The following PCDHA10 variants were observed in gnomAD, a reference collection of about 807,000 sequenced individuals.
PCDHA10 encodes the protein protocadherin alpha-10.
Under a neutral mutation model 61.2 loss-of-function variants are expected in PCDHA10, and 45 were observed. That is an observed-to-expected ratio of 0.74 (90% CI 0.58 to 0.94). The LOEUF is 0.94. PCDHA10 is among the 40% of genes least tolerant of loss of function. The probability of loss-of-function intolerance (pLI) is 0.00; values close to 1 mark genes in which losing one functional copy is unlikely to be tolerated. For synonymous variants in PCDHA10, 602 were observed against 548.8 expected, an observed-to-expected ratio of 1.10 and a Z score of -1.35; for missense variants, 1,278 against 1,236.2, an observed-to-expected ratio of 1.03 and a Z score of -0.51.
intron 1 of PCDHA10, among the ~76,000 whole-genome samples, chr5:140,953,973 C>T (rs958351959): frequency 6.6e-5 from 10 of 152,036 alleles, no homozygotes; most frequent in Non-Finnish European, 1.3e-4. Context: ...GTGTGTTGTT[C>T]CCCTTCATAT....
At chr5:141,009,462 A>G (rs1279658091) in intron 3 of PCDHA10, 165 bp from the exon 4 acceptor site, 2 of 954,512 alleles carry the variant, frequency 2.1e-6, no homozygotes, top group Non-Finnish European at 2.5e-6. Flanking sequence ...TAAACAAATA[A>G]ATAAATAAGT....
rs2098416866 is a variant in PCDHA10, at chr5:141,010,297, G to C, written c.*360G>C. 3 of 1,549,050 alleles carry C rather than the reference G, an allele frequency of 1.9e-6. No individual in the cohort carries two copies. The South Asian group carries it at 3.6e-5, about 19-fold the overall frequency. On this transcript the variant is annotated 3_prime_UTR_variant, in exon 4 of 4. Transcript: ENST00000307360. ...TGTCTTGATGACACTTGCAGGGCAGGCTGAAAAGTTTTGAGATTGAGCAGC... is the reference window on the plus strand; with the variant it reads ...TGTCTTGATGACACTTGCAGGGCAGCCTGAAAAGTTTTGAGATTGAGCAGC...
chr5:140,870,085 C>T lies in PCDHA10; in HGVS notation c.2388+11649C>T, dbSNP rs200687541. ...ACAGGCTACAGATAAGGGGACTCCCCCAATGGCAGGTCACTGTACAGTCTG... is the reference window on the plus strand; with the variant it reads ...ACAGGCTACAGATAAGGGGACTCCCTCAATGGCAGGTCACTGTACAGTCTG... On this transcript the variant is annotated intron_variant, in intron 1 of 3. Coordinates refer to ENST00000307360, the MANE Select transcript of PCDHA10 (RefSeq NM_018901.4). 1.7e-4 allele frequency: 271 copies of T among 1,613,744 alleles called. No homozygotes were observed. The highest frequency in any genetic ancestry group is 1.8e-4 in the Non-Finnish European group (215 of 1,179,872).
chr5:140,947,107 G>A (rs1041048233), intron 1 of PCDHA10, among the ~76,000 whole-genome samples: 12 of 151,202 alleles, frequency 7.9e-5, no homozygotes, highest in South Asian at 4.2e-4. Flanking sequence ...AAATAGGTAC[G>A]TGTCAATTAA....
In PCDHA10 at chr5:141,010,661, C is replaced by T. The variant is rs1331706826; in HGVS notation, c.*724C>T. ...AACAGTTCAGTGTTTTAACAGAGAA[C>T]CACCCTGGGAAACAGAAGCAGATCT... On this transcript the variant is annotated 3_prime_UTR_variant, in exon 4 of 4. Transcript: ENST00000307360. 6.0e-6 allele frequency: 1 copy of T among 166,290 alleles called. No homozygotes were observed. Among genetic ancestry groups the T allele is most frequent in the Non-Finnish European group, 1.3e-5 (1 of 76,066 alleles). 10.3% of individuals were successfully genotyped at this position (166,290 alleles called of 1,614,324 possible).
chr5:140,935,894 C>CTTTT (rs55841305), intron 1 of PCDHA10, among the ~76,000 whole-genome samples: 9 of 136,750 alleles, frequency 6.6e-5, no homozygotes, highest in South Asian at 2.3e-4. Flanking sequence ...TCAATATTAT[C>CTTTT]TTTTTTTTTT....
intron 1 of PCDHA10, among the ~76,000 whole-genome samples, chr5:140,916,217 A>T (rs1050976167): frequency 6.6e-6 from 1 of 152,132 alleles, no homozygotes; most frequent in Non-Finnish European, 1.5e-5. Context: ...GGAAGATCCA[A>T]ATATGCTTTC....
At position 140,884,423 on chromosome 5, in the gene PCDHA10, A is replaced by G. The variant is rs2060160830; in HGVS notation, c.2388+25987A>G. The G allele has an allele frequency of 1.2e-6, 2 of 1,613,932 alleles. No individual in the cohort carries two copies. Among genetic ancestry groups the G allele is most frequent in the African/African-American group, 1.3e-5 (1 of 75,050 alleles). On this transcript the variant is annotated intron_variant, in intron 1 of 3. Coordinates refer to ENST00000307360, the MANE Select transcript of PCDHA10 (RefSeq NM_018901.4). ...GTTGGTGCTCACGTTGCTGCTGTAT[A>G]CTGCGCTGCGGTGCTCGGCACCGCC...
chr5:140,945,715 A>G (rs145543790), intron 1 of PCDHA10, among the ~76,000 whole-genome samples: 3,564 of 152,270 alleles, frequency 0.023, 50 homozygotes, highest in Middle Eastern at 0.034. Context: ...AAAAGTATCA[A>G]GAATATACAA....
chr5:141,010,341 T>G lies in PCDHA10; in HGVS notation c.*404T>G, dbSNP rs199826290. The stretch of plus-strand genomic sequence containing the variant: ...GAGCAGCTTGGGAGTTTGTGGCCAC[T>G]GGGTATGTGTGGCTACCGCGGGTAT... On this transcript the variant is annotated 3_prime_UTR_variant, in exon 4 of 4. Transcript: ENST00000307360. The G allele has an allele frequency of 4.0e-6, 6 of 1,503,220 alleles. No individual in the cohort carries two copies. Among genetic ancestry groups the G allele is most frequent in the Non-Finnish European group, 4.5e-6 (5 of 1,119,592 alleles). The allele number at this position is 1,503,220 out of a possible 1,614,324, so 93.1% of individuals were successfully genotyped here.
chr5:140,966,727 C>T (rs1330950109), intron 1 of PCDHA10: 4 of 1,405,404 alleles, frequency 2.8e-6, no homozygotes, highest in East Asian at 2.8e-5. Context: ...AAGCTGCCGC[C>T]TCCGGCCCTG....
intron 1 of PCDHA10, among the ~76,000 whole-genome samples, chr5:140,919,172 A>G (rs144962710): frequency 6.6e-6 from 1 of 152,282 alleles, no homozygotes; most frequent in African/African-American, 2.4e-5. Flanking sequence ...TTTAGTTGCT[A>G]TATCTTCCTG....
chr5:140,873,126 G>A (rs2054115570), intron 1 of PCDHA10, among the ~76,000 whole-genome samples: 1 of 152,124 alleles, frequency 6.6e-6, no homozygotes, highest in Admixed American at 6.5e-5. Context: ...AATATTCAAA[G>A]AGTCTATGCT....
chr5:140,969,509 C>T (rs1554231905), intron 1 of PCDHA10: 1 of 1,416,140 alleles, frequency 7.1e-7, no homozygotes, highest in Non-Finnish European at 9.4e-7. Context: ...AAAAATAGCA[C>T]TAAAGAATTG....
Position 140,857,830 on chromosome 5 carries a change from C to T in PCDHA10, c.1782C>T (p.Arg594=), listed in dbSNP as rs782060681. ...CGGGTCACGTGGTGGCTAAGGTGCG[C>T]GCAGTGGACGCTGACTCTGGATACA... The part of the protein sequence containing the change: ...VVAGHVVAKV[R]AVDADSGYNA... The change falls in exon 1 of 4, where the codon CGC becomes CGT. Residue 594 remains arginine (R), a synonymous_variant. Coordinates refer to ENST00000307360, the MANE Select transcript of PCDHA10 (RefSeq NM_018901.4). The T allele has an allele frequency of 3.1e-6, 5 of 1,597,596 alleles. 1 individual carries two copies. Among genetic ancestry groups the T allele is most frequent in the African/African-American group, 2.7e-5 (2 of 74,244 alleles).
chr5:140,952,028 T>C (rs2094677235), intron 1 of PCDHA10, among the ~76,000 whole-genome samples: 1 of 152,164 alleles, frequency 6.6e-6, no homozygotes, highest in Non-Finnish European at 1.5e-5. Flanking sequence ...AAGTCCGAAA[T>C]CCAGTAGGGC....
intron 1 of PCDHA10, chr5:140,875,787 C>A (rs2055811364): frequency 6.2e-7 from 1 of 1,614,082 alleles, no homozygotes; most frequent in Non-Finnish European, 8.5e-7. Context: ...GCAGTATCCA[C>A]CTGGAGGTGA....
chr5:140,886,095 T>C (rs1229514130), intron 1 of PCDHA10, among the ~76,000 whole-genome samples: 2 of 152,200 alleles, frequency 1.3e-5, no homozygotes, highest in Non-Finnish European at 2.9e-5. Flanking sequence ...ATATTGACAT[T>C]GATACAGTAA....
intron 3 of PCDHA10, among the ~76,000 whole-genome samples, chr5:140,999,867 C>A (rs1269782566): frequency 1.3e-5 from 2 of 152,190 alleles, no homozygotes; most frequent in African/African-American, 4.8e-5. Context: ...TCCAAGATTA[C>A]TGAAAATTAG....
Sources: allele counts gnomAD v4.1 joint callset (sites outside exome capture counted in the v4.1 genomes callset), GRCh38; gene constraint gnomAD v4.1.1; transcripts MANE v1.5; gene names NCBI Gene and HGNC (gene_info 2026-07-23, HGNC 2026-07-21).